Variants in NEK5 observed in about 807,000 individuals in gnomAD.
NEK5 encodes the protein NIMA related kinase 5, also known as serine/threonine-protein kinase Nek5.
In NEK5, 88 loss-of-function variants were observed where a neutral mutation model predicts 109.2. The observed-to-expected ratio is 0.81, with a 90% CI of 0.68 to 0.96. NEK5 has a LOEUF of 0.96. Ranked by LOEUF, NEK5 falls within the 40% of genes least tolerant of loss-of-function variation. NEK5 has a pLI of 0.00. For synonymous variants in NEK5, 283 were observed against 299.9 expected (o/e 0.94, Z 0.58); for missense variants, 834 against 920.7 (o/e 0.91, Z 1.22).
chr13:52,101,569 T>A (rs1955532005), intron 11 of NEK5, among the ~76,000 whole-genome samples: 1 of 152,198 alleles, frequency 6.6e-6, no homozygotes, highest in Non-Finnish European at 1.5e-5. Context: ...TATCCTCTTT[T>A]AGAAAAATAA....
At chr13:52,054,766 C>T (rs1423665119) in intron 22 of NEK5, among the ~76,000 whole-genome samples, 1 of 152,218 alleles carries the variant, frequency 6.6e-6, no homozygotes, top group Non-Finnish European at 1.5e-5. Context: ...AACTAACAAA[C>T]AGAAGGGACA....
chr13:52,092,758 C>T (rs1036635372), intron 13 of NEK5, among the ~76,000 whole-genome samples: 2 of 151,730 alleles, frequency 1.3e-5, no homozygotes, highest in African/African-American at 2.4e-5. Flanking sequence ...TGGTGGTGCA[C>T]GCCTGTAGTC....
chr13:52,066,049 G>A (rs1954686115), intron 20 of NEK5, among the ~76,000 whole-genome samples: 1 of 151,812 alleles, frequency 6.6e-6, no homozygotes, highest in Non-Finnish European at 1.5e-5. Flanking sequence ...ACTGTCCAGA[G>A]ACTATAATAA....
chr13:52,120,151 T>C (rs995374502), intron 3 of NEK5, among the ~76,000 whole-genome samples: 1 of 152,178 alleles, frequency 6.6e-6, no homozygotes, highest in African/African-American at 2.4e-5. Flanking sequence ...CATTCTCATT[T>C]AGACTTAAGA....
intron 4 of NEK5, among the ~76,000 whole-genome samples, chr13:52,115,911 T>G (rs1164701417): frequency 6.6e-6 from 1 of 152,292 alleles, no homozygotes; most frequent in Admixed American, 6.5e-5. Context: ...AGCTCTCTCC[T>G]GTAATCCCAG....
chr13:52,043,987 T>A (rs929077435), intron 23 of NEK5, among the ~76,000 whole-genome samples: 3 of 152,168 alleles, frequency 2.0e-5, no homozygotes, highest in Non-Finnish European at 4.4e-5. Context: ...CCAAAGGAGA[T>A]TAACATTTGA....
intron 22 of NEK5, among the ~76,000 whole-genome samples, chr13:52,051,240 C>G (rs1404475310): frequency 6.6e-6 from 1 of 151,648 alleles, no homozygotes; most frequent in Non-Finnish European, 1.5e-5. Flanking sequence ...GAAAAATGTA[C>G]AACTTCTCAC....
At chr13:52,084,735 GAGA>G (rs1955088747) in intron 16 of NEK5, among the ~76,000 whole-genome samples, 1 of 37,354 alleles carries the variant, frequency 2.7e-5, no homozygotes, top group Non-Finnish European at 7.4e-5. Context: ...GAGAGAGAGT[GAGA>G]GAGAGAGAGA....
chr13:52,086,950 C>T (rs1382515362), intron 15 of NEK5, among the ~76,000 whole-genome samples: 1 of 152,198 alleles, frequency 6.6e-6, no homozygotes, highest in Non-Finnish European at 1.5e-5. Context: ...AAGGATTCCC[C>T]TACAGGTTTC....
intron 8 of NEK5, among the ~76,000 whole-genome samples, chr13:52,106,086 T>C (rs1955648262): frequency 6.6e-6 from 1 of 152,030 alleles, no homozygotes; most frequent in Non-Finnish European, 1.5e-5. Flanking sequence ...TGGCATGCCC[T>C]GCTCTGAACA....
intron 1 of NEK5, among the ~76,000 whole-genome samples, chr13:52,128,127 T>C (rs1956104755): frequency 6.6e-6 from 1 of 152,176 alleles, no homozygotes; most frequent in African/African-American, 2.4e-5. Flanking sequence ...AAAAATCCGT[T>C]TGTGGCTAGA....
At chr13:52,082,437 A>G in intron 17 of NEK5, 1 of 649,994 alleles carries the variant, frequency 1.5e-6, no homozygotes, top group Non-Finnish European at 2.0e-6. Context: ...CTTGGAAAGT[A>G]AAACATTTTA....
intron 22 of NEK5, among the ~76,000 whole-genome samples, chr13:52,051,984 C>T (rs1954509651): frequency 6.6e-6 from 1 of 152,130 alleles, no homozygotes; most frequent in Admixed American, 6.5e-5. Context: ...TGTAAAAATG[C>T]AGATTCACTG....
At chr13:52,082,583 A>G (rs1955036906) in intron 17 of NEK5, among the ~76,000 whole-genome samples, 1 of 152,080 alleles carries the variant, frequency 6.6e-6, no homozygotes, top group Admixed American at 6.5e-5. Context: ...AGGGAAAAAA[A>G]CTCTCTTGAG....
rs1014484396 is a variant in NEK5 at position 52,050,216 on chromosome 13, C to T, written c.2116G>A (p.Gly706Arg). 1.1e-5 allele frequency: 11 copies of T among 977,330 alleles called. No individual in the cohort carries two copies. The highest frequency in any genetic ancestry group is 7.0e-5 in the African/African-American group (4 of 57,036). The allele number at this position is 977,330 out of a possible 1,614,324, so 60.5% of individuals were successfully genotyped here. The change falls in exon 23 of 24, where the codon GGA (glycine) becomes AGA (arginine). Residue 706 changes from glycine (G) to arginine (R), a missense_variant. Gly to Arg is a moderately radical substitution (Grantham distance 125). Around this residue, in one of 2 missense-constraint regions of NEK5, gnomAD observed 777 missense variants for 824.7 expected, o/e 0.94. Transcript: ENST00000684899. ...SFSADEEFAM[G>R]TLKQWLPKEE... is the part of the protein sequence containing the mutation. ...TTGGGTAGCCATTGTTTTAATGTTC[C>T]CATTGCTAAAGAAATGACAGAGAAA...
chr13:52,045,339 C>A (rs1954448197), intron 23 of NEK5, among the ~76,000 whole-genome samples: 2 of 149,678 alleles, frequency 1.3e-5, no homozygotes, highest in Non-Finnish European at 3.0e-5. Flanking sequence ...ACCGTGTTAG[C>A]CAGGATGGTC....
At chr13:52,100,720 A>G (rs2137996026) in intron 11 of NEK5, among the ~76,000 whole-genome samples, 1 of 152,214 alleles carries the variant, frequency 6.6e-6, no homozygotes, top group Admixed American at 6.5e-5. Flanking sequence ...TAAAAAAAAA[A>G]TTGTTCTTGT....
At chr13:52,097,385 C>T (rs996632366) in intron 12 of NEK5, among the ~76,000 whole-genome samples, 2 of 152,196 alleles carry the variant, frequency 1.3e-5, no homozygotes, top group African/African-American at 4.8e-5. Flanking sequence ...TGAGAGCAGC[C>T]GCAGGGGCTG....
chr13:52,115,294 C>T lies in NEK5; in HGVS notation c.215-2929G>A, dbSNP rs564598601. Among the ~76,000 whole-genome samples, 5 of 151,946 alleles carry T rather than the reference C, an allele frequency of 3.3e-5. No individual in the cohort carries two copies. In the South Asian group the frequency reaches 1.0e-3, roughly 32 times the overall value. ...GGGATTACAAGCGTGAGCCACCGCG[C>T]CCGGCCGACAGAGATAGCTTAAACT... On this transcript the variant is annotated intron_variant, in intron 4 of 23. Coordinates refer to ENST00000684899, the MANE Select transcript of NEK5 (RefSeq NM_001365552.1).
Sources: gnomAD v4.1 joint callset for allele counts (sites outside exome capture counted in the v4.1 genomes callset) on GRCh38, gnomAD v4.1.1 for gene constraint, gnomAD v4.1.1 regional missense constraint, MANE v1.5 for transcripts, NCBI Gene and HGNC (gene_info 2026-07-23, HGNC 2026-07-21) for gene names.